The following AZGP1 variants were observed in gnomAD, a reference collection of about 807,000 sequenced individuals.
The protein encoded by AZGP1 is alpha-2-glycoprotein 1, zinc-binding.
In AZGP1, 28 loss-of-function variants were observed where a neutral mutation model predicts 31.5. That is an observed-to-expected ratio of 0.89 (90% CI 0.66 to 1.22). AZGP1 has a LOEUF of 1.22. Ranked by LOEUF, AZGP1 falls within the 50% of genes most tolerant of loss-of-function variation. The pLI is 0.00. For synonymous variants in AZGP1, 135 were observed against 145.4 expected, an observed-to-expected ratio of 0.93 and a Z score of 0.51; for missense variants, 361 against 371.8, an observed-to-expected ratio of 0.97 and a Z score of 0.24.
intron 3 of AZGP1, 48 bp from the exon 4 acceptor site, chr7:99,967,334 C>T: frequency 6.3e-7 from 1 of 1,581,424 alleles, no homozygotes; most frequent in South Asian, 1.2e-5. Flanking sequence ...TGGACTTCTC[C>T]CGGCCCAGGT....
intron 3 of AZGP1, 161 bp from the exon 4 acceptor site, chr7:99,967,447 CT>C: frequency 2.5e-6 from 2 of 791,184 alleles, no homozygotes; most frequent in Non-Finnish European, 3.9e-6. Context: ...TCAGGGAAGG[CT>C]GACGCTTTCC....
chr7:99,968,049 G>T, intron 3 of AZGP1, 106 bp downstream of exon 3: 1 of 1,424,568 alleles, frequency 7.0e-7, no homozygotes. Context: ...GGGTCTGAGG[G>T]ACATCCAGGA....
rs769828717 is a variant in AZGP1 at position 99,971,899 on chromosome 7, T to C, written c.184A>G (p.Asn62Asp). The stretch of plus-strand genomic sequence containing the variant: ...GGCTGAGACTTCCTGTCTTTACTGT[T>C]GTATCTAAAGAACTGGAGGTCATTG... ...SLNDLQFFRY[N>D]SKDRKSQPMG... Residue 62 changes from asparagine (N) to aspartate (D), a missense_variant, in exon 2 of 4, where the codon AAC becomes GAC. By Grantham distance (23) the Asn-to-Asp change is conservative. Coordinates refer to ENST00000292401, the MANE Select transcript of AZGP1 (RefSeq NM_001185.4). 6.2e-7 allele frequency: 1 copy of C among 1,614,070 alleles called. No individual in the cohort carries two copies.
chr7:99,968,381 T>C lies in AZGP1; in HGVS notation c.387A>G (p.Arg129=). ...AATATTTCCAGAATGCTCCGCTGCT[T>C]CTGTTATTCTCGATCTCACAACCAA... ...GRFGCEIENN[R]SSGAFWKYYY... is the part of the protein sequence containing the mutation. The change falls in exon 3 of 4, where the codon AGA becomes AGG. Residue 129 remains arginine, a synonymous_variant. Coordinates refer to ENST00000292401, the MANE Select transcript of AZGP1 (RefSeq NM_001185.4). 5.6e-6 allele frequency: 9 copies of C among 1,613,812 alleles called. No homozygotes were observed. The highest frequency in any genetic ancestry group is 7.6e-6 in the Non-Finnish European group (9 of 1,179,980).
chr7:99,968,012 G>T, intron 3 of AZGP1, 143 bp downstream of exon 3: 1 of 1,132,510 alleles, frequency 8.8e-7, no homozygotes, highest in Non-Finnish European at 1.3e-6. Context: ...CCCAGGGAAG[G>T]AATAAATCCT....
intron 2 of AZGP1, among the ~76,000 whole-genome samples, chr7:99,969,106 T>C (rs1305081323): frequency 6.7e-6 from 1 of 149,928 alleles, no homozygotes; most frequent in African/African-American, 2.5e-5. Flanking sequence ...AAACCCCATC[T>C]CTACCAAAAA....
intron 1 of AZGP1, 79 bp from the exon 2 acceptor site, chr7:99,972,085 C>A (rs1789589130): frequency 1.4e-6 from 2 of 1,472,348 alleles, no homozygotes; most frequent in Non-Finnish European, 1.8e-6. Context: ...GGAGGGGAGA[C>A]CTGCCACTGG....
In AZGP1 at chr7:99,971,710, T is replaced by C. The variant is rs748242425; in HGVS notation, c.337+36A>G. Reference sequence around the variant, plus strand: ...ACACTGGGGGGGCTGCCTCTTGGGTTAGACCTTCCACCCCTGTGGTCTGTT... The same window carrying C: ...ACACTGGGGGGGCTGCCTCTTGGGTCAGACCTTCCACCCCTGTGGTCTGTT... On this transcript the variant is annotated intron_variant, in intron 2 of 3. Coordinates refer to ENST00000292401, the MANE Select transcript of AZGP1 (RefSeq NM_001185.4). 3.8e-6 allele frequency: 6 copies of C among 1,598,892 alleles called. No individual in the cohort carries two copies. The Admixed American group carries it at 5.1e-5, about 13-fold the overall frequency.
At chr7:99,970,665 C>A (rs1313714144) in intron 2 of AZGP1, among the ~76,000 whole-genome samples, 2 of 151,808 alleles carry the variant, frequency 1.3e-5, no homozygotes, top group East Asian at 3.8e-4. Flanking sequence ...TCACCTGTGC[C>A]CCCTCCTCTC....
chr7:99,972,715 G>C (rs1789599868), intron 1 of AZGP1, among the ~76,000 whole-genome samples: 2 of 152,218 alleles, frequency 1.3e-5, no homozygotes, highest in Admixed American at 1.3e-4. Flanking sequence ...GCTGGAGGCT[G>C]AGGCAGGAAA....
At chr7:99,973,905 C>CAAAA (rs199566652) in intron 1 of AZGP1, among the ~76,000 whole-genome samples, 1 of 58,024 alleles carries the variant, frequency 1.7e-5, no homozygotes, top group Non-Finnish European at 3.8e-5. Context: ...AACTCTGTCA[C>CAAAA]AAAAAAAAAA....
At chr7:99,973,024 G>A (rs1455598648) in intron 1 of AZGP1, among the ~76,000 whole-genome samples, 1 of 152,070 alleles carries the variant, frequency 6.6e-6, no homozygotes, top group Non-Finnish European at 1.5e-5. Flanking sequence ...GGCTGAGGCA[G>A]GAGAATGGCA....
chr7:99,972,117 C>T, intron 1 of AZGP1, 111 bp from the exon 2 acceptor site: 2 of 1,278,272 alleles, frequency 1.6e-6, no homozygotes, highest in Non-Finnish European at 2.1e-6. Flanking sequence ...CCAGCTCTTT[C>T]TCCTGCCATC....
At chr7:99,975,824 A>T in intron 1 of AZGP1, 121 bp downstream of exon 1, 1 of 1,068,708 alleles carries the variant, frequency 9.4e-7, no homozygotes, top group Non-Finnish European at 1.4e-6. Flanking sequence ...AGCCTTGGGC[A>T]CCCATTCCTG....
At chr7:99,967,482 C>A (rs1294163306) in intron 3 of AZGP1, 196 bp from the exon 4 acceptor site, 1 of 626,420 alleles carries the variant, frequency 1.6e-6, no homozygotes, top group Non-Finnish European at 2.8e-6. Context: ...CCCACCTCAC[C>A]CATGTATTGA....
At position 99,966,743 on chromosome 7, in the gene AZGP1, G is replaced by A; in HGVS notation, c.*260C>T. 1 of 562,400 alleles carries A rather than the reference G, an allele frequency of 1.8e-6. No individual in the cohort carries two copies. The highest frequency in any genetic ancestry group is 3.1e-6 in the Non-Finnish European group (1 of 318,646). 34.8% of individuals were successfully genotyped at this position (562,400 alleles called of 1,614,324 possible). ...GATTCTCTGTTATGCTAGGCAAGGA[G>A]GGATGATTATTTATTAGCTTCTACA... On this transcript the variant is annotated 3_prime_UTR_variant, in exon 4 of 4. Coordinates refer to ENST00000292401, the MANE Select transcript of AZGP1 (RefSeq NM_001185.4).
intron 1 of AZGP1, among the ~76,000 whole-genome samples, chr7:99,972,291 ACTGAGT>A (rs1315239161): frequency 6.6e-6 from 1 of 152,164 alleles, no homozygotes; most frequent in African/African-American, 2.4e-5. Flanking sequence ...GGACCATGTG[ACTGAGT>A]TTTGTCAAAA....
chr7:99,973,162 AT>A lies in AZGP1; in HGVS notation c.77-1157del, dbSNP rs201435671. Among the ~76,000 whole-genome samples the A allele has an allele frequency of 3.3e-5, 5 of 152,216 alleles. No homozygotes were observed. The East Asian group carries it at 9.6e-4, about 29-fold the overall frequency. On this transcript the variant is annotated intron_variant, in intron 1 of 3. Transcript: ENST00000292401. ...TTCTAGCTTAACCTGACAAATACAT[AT>A]AGTTAGAAAGGGTAGAAAGGAGAAT...
At chr7:99,971,252 A>G (rs1206948848) in intron 2 of AZGP1, among the ~76,000 whole-genome samples, 1 of 152,136 alleles carries the variant, frequency 6.6e-6, no homozygotes, top group Non-Finnish European at 1.5e-5. Flanking sequence ...AATATTACAG[A>G]CTTGTTTGGA....
Sources: allele counts gnomAD v4.1 joint callset (sites outside exome capture counted in the v4.1 genomes callset), GRCh38; gene constraint gnomAD v4.1.1; transcripts MANE v1.5; gene names NCBI Gene and HGNC (gene_info 2026-07-23, HGNC 2026-07-21).